NUAK1: variants seen among roughly 807,000 people sequenced by gnomAD.
NUAK1 encodes the protein NUAK family kinase 1, also known as NUAK family SNF1-like kinase 1.
In NUAK1, 26 loss-of-function variants were observed where a neutral mutation model predicts 56.9. The ratio of observed to expected loss-of-function variants is 0.46; its 90% CI spans 0.33 to 0.63. The LOEUF (loss-of-function observed/expected upper bound fraction) is 0.63, where lower values mean the gene tolerates loss of function less well. NUAK1 is among the 30% of genes least tolerant of loss of function. The pLI is 0.02. For missense variants in NUAK1, 727 were observed against 876.1 expected, an observed-to-expected ratio of 0.83 and a Z score of 2.15; for synonymous variants, 337 against 336.0, an observed-to-expected ratio of 1.00 and a Z score of -0.03.
intron 2 of NUAK1, among the ~76,000 whole-genome samples, chr12:106,095,632 G>A (rs2032689818): frequency 6.6e-6 from 1 of 152,242 alleles, no homozygotes; most frequent in African/African-American, 2.4e-5. Flanking sequence ...CAGCAGCAAA[G>A]GGGAACTAAG....
At chr12:106,115,825 G>A (rs755170761) in intron 1 of NUAK1, among the ~76,000 whole-genome samples, 1 of 152,182 alleles carries the variant, frequency 6.6e-6, no homozygotes, top group African/African-American at 2.4e-5. Flanking sequence ...TACCCTCAAG[G>A]AGGCTGGGGC....
intron 4 of NUAK1, among the ~76,000 whole-genome samples, chr12:106,076,237 G>C (rs1043977665): frequency 2.0e-5 from 3 of 152,194 alleles, no homozygotes; most frequent in Non-Finnish European, 4.4e-5. Context: ...GCAGCTGAAG[G>C]TTCCAGGGCA....
intron 1 of NUAK1, among the ~76,000 whole-genome samples, chr12:106,125,298 T>C (rs927070385): frequency 6.6e-6 from 1 of 152,166 alleles, no homozygotes; most frequent in African/African-American, 2.4e-5. Context: ...GAGTAAGACA[T>C]AGAACGACTG....
At chr12:106,098,382 A>G (rs144897667) in intron 2 of NUAK1, among the ~76,000 whole-genome samples, 4 of 152,284 alleles carry the variant, frequency 2.6e-5, no homozygotes, top group East Asian at 1.9e-4. Context: ...TCAGATTCAA[A>G]TGCTTATCAA....
At chr12:106,084,186 C>T in intron 3 of NUAK1, 1 of 530,196 alleles carries the variant, frequency 1.9e-6, no homozygotes, top group African/African-American at 1.9e-5. Flanking sequence ...TGTTCTCCCC[C>T]AGAGCCTGTA....
chr12:106,137,283 T>G (rs1412422108), intron 1 of NUAK1, among the ~76,000 whole-genome samples: 1 of 152,192 alleles, frequency 6.6e-6, no homozygotes, highest in African/African-American at 2.4e-5. Flanking sequence ...CAGCTCATTT[T>G]CCTTTTTCCC....
intron 1 of NUAK1, among the ~76,000 whole-genome samples, chr12:106,125,861 A>G (rs1341021425): frequency 6.6e-6 from 1 of 152,074 alleles, no homozygotes; most frequent in East Asian, 1.9e-4. Context: ...TTCCAGGCAA[A>G]CACGTTCACG....
intron 1 of NUAK1, among the ~76,000 whole-genome samples, chr12:106,108,385 G>GC (rs1446495912): frequency 6.6e-6 from 1 of 152,196 alleles, no homozygotes; most frequent in Admixed American, 6.5e-5. Flanking sequence ...GAAGGAGGCT[G>GC]CATGGAGATG....
In NUAK1 at chr12:106,125,083, C is replaced by T. The variant is rs546329807; in HGVS notation, c.240+13331G>A. 8.2e-4 allele frequency among the ~76,000 whole-genome samples: 125 copies of T among 152,200 alleles called. 3 individuals are homozygous for T. In the South Asian group the frequency reaches 0.025, roughly 30 times the overall value. ...TTTAAAACAAAAATCTGGCCCAGAG[C>T]GCTCATCTTACAGATAAGTTAGCTG... On this transcript the variant is annotated intron_variant, in intron 1 of 6. Transcript: ENST00000261402.
At chr12:106,082,156 T>C (rs1426377497) in intron 4 of NUAK1, among the ~76,000 whole-genome samples, 1 of 152,204 alleles carries the variant, frequency 6.6e-6, no homozygotes, top group Non-Finnish European at 1.5e-5. Flanking sequence ...GCACAGGGCA[T>C]TGCACACAGT....
chr12:106,134,370 G>A lies in NUAK1; in HGVS notation c.240+4044C>T, dbSNP rs577144956. ...CAGGAGGCTATGAATAGCTTTGGGT[G>A]CTTAAAACACCCATTTTTGGTCAAA... On this transcript the variant is annotated intron_variant, in intron 1 of 6. Transcript: ENST00000261402. Among the ~76,000 whole-genome samples, 26 of 152,350 alleles carry A rather than the reference G, an allele frequency of 1.7e-4. 1 individual carries two copies. In the East Asian group the frequency reaches 4.8e-3, roughly 28 times the overall value.
At chr12:106,098,825 G>A (rs1057144743) in intron 2 of NUAK1, among the ~76,000 whole-genome samples, 2 of 152,248 alleles carry the variant, frequency 1.3e-5, no homozygotes, top group East Asian at 1.9e-4. Flanking sequence ...TTTGAACTTC[G>A]GTCCTGAAAT....
intron 2 of NUAK1, among the ~76,000 whole-genome samples, chr12:106,093,680 G>T (rs1592853446): frequency 6.6e-6 from 1 of 152,242 alleles, no homozygotes; most frequent in Non-Finnish European, 1.5e-5. Context: ...GAAGAAAGAA[G>T]CCTGGAAAGC....
At chr12:106,121,020 C>T (rs1306149356) in intron 1 of NUAK1, among the ~76,000 whole-genome samples, 1 of 152,180 alleles carries the variant, frequency 6.6e-6, no homozygotes, top group African/African-American at 2.4e-5. Context: ...CAGGCAGCCT[C>T]CTTTAGTTAG....
At chr12:106,079,938 C>T (rs2136459747) in intron 4 of NUAK1, among the ~76,000 whole-genome samples, 1 of 152,314 alleles carries the variant, frequency 6.6e-6, no homozygotes, top group African/African-American at 2.4e-5. Context: ...CACAGTAGGA[C>T]CTTAATGAAT....
intron 2 of NUAK1, among the ~76,000 whole-genome samples, chr12:106,102,594 C>T (rs1363978986): frequency 1.3e-5 from 2 of 152,184 alleles, no homozygotes; most frequent in Non-Finnish European, 2.9e-5. Context: ...CATGAAATAC[C>T]TTGTCAATGG....
chr12:106,086,919 C>T (rs1435239076), intron 2 of NUAK1, 34 bp from the exon 3 acceptor site: 4 of 1,594,674 alleles, frequency 2.5e-6, no homozygotes, highest in Non-Finnish European at 3.4e-6. Flanking sequence ...ACAAACACCC[C>T]GTTTAGCCAA....
chr12:106,127,808 C>G (rs553994499), intron 1 of NUAK1, among the ~76,000 whole-genome samples: 2 of 152,210 alleles, frequency 1.3e-5, no homozygotes, highest in Admixed American at 1.3e-4. Context: ...TTGTCTCAGG[C>G]CCTCAATTTA....
rs529488339 is a variant in NUAK1, at chr12:106,086,240, AAT to A, written c.513+492_513+493del. ...TCAAGAATTACAAAGAATTTTTAAT[AAT>A]ATAGGAAAATATTTAGATTAAAGTA... On this transcript the variant is annotated intron_variant, in intron 3 of 6. Coordinates refer to ENST00000261402, the MANE Select transcript of NUAK1 (RefSeq NM_014840.3). Among the ~76,000 whole-genome samples the A allele has an allele frequency of 2.0e-3, 305 of 152,312 alleles. 1 individual carries two copies. Among genetic ancestry groups the A allele is most frequent in the African/African-American group, 6.3e-3 (260 of 41,574 alleles).
Sources: gnomAD v4.1 joint callset for allele counts (sites outside exome capture counted in the v4.1 genomes callset) on GRCh38, gnomAD v4.1.1 for gene constraint, MANE v1.5 for transcripts, NCBI Gene and HGNC (gene_info 2026-07-23, HGNC 2026-07-21) for gene names.